The following TENM3 variants were observed in gnomAD, a reference collection of about 807,000 sequenced individuals.
TENM3 encodes teneurin-3.
Under a neutral mutation model 255.1 loss-of-function variants are expected in TENM3, and 63 were observed. That is an observed-to-expected ratio of 0.25 (90% CI 0.20 to 0.30). The LOEUF (loss-of-function observed/expected upper bound fraction) is 0.30, where lower values mean the gene tolerates loss of function less well. Among genes scored for constraint, TENM3 ranks in the 10% least tolerant of loss-of-function variants. TENM3 has a pLI of 1.00. For synonymous variants in TENM3, 1,306 were observed against 1,322.3 expected (o/e 0.99, Z 0.27); for missense variants, 2,929 against 3,461.1 (o/e 0.85, Z 3.86).
chr4:181,636,895 C>T, the TENM3 span, among the ~76,000 whole-genome samples: 3 of 152,196 alleles, frequency 2.0e-5, no homozygotes, highest in African/African-American at 7.2e-5. Context: ...TGCCCTGCAT[C>T]CTTTACACTT....
At chr4:182,149,756 T>C (rs1750211862) in intron 1 of TENM3, among the ~76,000 whole-genome samples, 1 of 152,046 alleles carries the variant, frequency 6.6e-6, no homozygotes, top group Non-Finnish European at 1.5e-5. Flanking sequence ...AAATGTAGCA[T>C]AACACTAAAC....
intron 3 of TENM3, among the ~76,000 whole-genome samples, chr4:182,487,233 C>T (rs532391478): frequency 1.3e-5 from 2 of 152,258 alleles, no homozygotes; most frequent in African/African-American, 4.8e-5. Context: ...TTATGTTCCT[C>T]TTATCTGATA....
chr4:182,161,919 GTGTA>G (rs1751356119), intron 1 of TENM3, among the ~76,000 whole-genome samples: 1 of 33,794 alleles, frequency 3.0e-5, no homozygotes, highest in African/African-American at 1.1e-4. Flanking sequence ...ACACATGTAT[GTGTA>G]TATATATACA....
intron 1 of TENM3, among the ~76,000 whole-genome samples, chr4:182,149,527 G>T (rs1750191316): frequency 6.6e-6 from 1 of 151,940 alleles, no homozygotes; most frequent in Non-Finnish European, 1.5e-5. Context: ...GAACTCATAA[G>T]TCATATGAGT....
intron 3 of TENM3, among the ~76,000 whole-genome samples, chr4:182,590,376 G>A (rs757732334): frequency 2.6e-5 from 4 of 151,628 alleles, no homozygotes; most frequent in South Asian, 2.1e-4. Context: ...GTTGATTCAC[G>A]CCTGTAACCC....
At chr4:181,741,765 G>C in the TENM3 span, among the ~76,000 whole-genome samples, 1 of 152,120 alleles carries the variant, frequency 6.6e-6, no homozygotes, top group Admixed American at 6.5e-5. Context: ...TAATATAATA[G>C]CCTATCACTC....
the TENM3 span, among the ~76,000 whole-genome samples, chr4:181,916,238 G>T: frequency 1.3e-5 from 2 of 152,138 alleles, no homozygotes; most frequent in Admixed American, 1.3e-4. Flanking sequence ...GGCTAGATTA[G>T]TGCCTCTAGT....
chr4:181,730,291 G>T, the TENM3 span, among the ~76,000 whole-genome samples: 1 of 152,214 alleles, frequency 6.6e-6, no homozygotes, highest in East Asian at 1.9e-4. Context: ...GCCCTTTGGT[G>T]CACAGTCTCT....
chr4:182,226,755 G>T (rs180993229), intron 1 of TENM3, among the ~76,000 whole-genome samples: 1 of 152,260 alleles, frequency 6.6e-6, no homozygotes, highest in African/African-American at 2.4e-5. Context: ...AATAGCATAA[G>T]TTCACTTTCA....
chr4:182,307,656 G>C (rs1169507386), intron 1 of TENM3, among the ~76,000 whole-genome samples: 2 of 152,128 alleles, frequency 1.3e-5, no homozygotes, highest in East Asian at 1.9e-4. Context: ...GCAGAGCCGT[G>C]GTGGGCAAAA....
the TENM3 span, among the ~76,000 whole-genome samples, chr4:181,918,499 TTA>T: frequency 6.6e-6 from 1 of 152,184 alleles, no homozygotes; most frequent in African/African-American, 2.4e-5. Context: ...TTCCAATTAT[TTA>T]TATAAGTTAA....
At chr4:181,487,669 G>C in the TENM3 span, among the ~76,000 whole-genome samples, 13,882 of 152,050 alleles carry the variant, frequency 0.091, 771 homozygotes, top group South Asian at 0.2. Context: ...TTTGAGGAGA[G>C]ACACAAACAT....
chr4:182,251,093 G>C (rs1757984888), intron 1 of TENM3, among the ~76,000 whole-genome samples: 1 of 152,170 alleles, frequency 6.6e-6, no homozygotes, highest in African/African-American at 2.4e-5. Flanking sequence ...AGGGTTCGGG[G>C]CCTTAATTAA....
the TENM3 span, among the ~76,000 whole-genome samples, chr4:181,973,169 C>T: frequency 6.6e-6 from 1 of 152,126 alleles, no homozygotes; most frequent in African/African-American, 2.4e-5. Flanking sequence ...TTAGATCCTT[C>T]CTCTTATAAC....
At chr4:181,710,445 C>A in the TENM3 span, among the ~76,000 whole-genome samples, 2 of 151,988 alleles carry the variant, frequency 1.3e-5, no homozygotes, top group Non-Finnish European at 2.9e-5. Flanking sequence ...AGGCTGGGCA[C>A]GGTGGCTCAC....
the TENM3 span, among the ~76,000 whole-genome samples, chr4:181,849,811 G>T: frequency 6.6e-6 from 1 of 152,238 alleles, no homozygotes; most frequent in African/African-American, 2.4e-5. Context: ...TTCTGCCATG[G>T]ATTGAATGAA....
intron 11 of TENM3, among the ~76,000 whole-genome samples, chr4:182,687,331 T>C (rs1180552223): frequency 6.6e-6 from 1 of 152,152 alleles, no homozygotes. Context: ...CCTCTCCCTG[T>C]CTCTCAATTG....
chr4:182,463,063 C>G (rs1732201432), intron 3 of TENM3, among the ~76,000 whole-genome samples: 1 of 152,086 alleles, frequency 6.6e-6, no homozygotes, highest in Admixed American at 6.6e-5. Flanking sequence ...GTTCTGCATC[C>G]CATAATTTTG....
intron 3 of TENM3, among the ~76,000 whole-genome samples, chr4:182,526,791 C>G (rs35545549): frequency 0.3 from 45,813 of 152,038 alleles, 7,569 homozygotes; most frequent in Non-Finnish European, 0.37. Context: ...CATCTTTATT[C>G]ATTAACATAG....
Sources: gnomAD v4.1 joint callset for allele counts (sites outside exome capture counted in the v4.1 genomes callset) on GRCh38, gnomAD v4.1.1 for gene constraint, MANE v1.5 for transcripts, NCBI Gene and HGNC (gene_info 2026-07-23, HGNC 2026-07-21) for gene names.